Variants in TRIM37 observed in about 807,000 individuals in gnomAD.
The protein encoded by TRIM37 is E3 ubiquitin-protein ligase TRIM37.
TRIM37 carries 80 observed loss-of-function variants against 129.8 expected under a neutral mutation model. That is an observed-to-expected ratio of 0.62 (90% CI 0.51 to 0.74). TRIM37 has a LOEUF of 0.74. Ranked by LOEUF, TRIM37 falls within the 30% of genes least tolerant of loss-of-function variation. The probability of loss-of-function intolerance (pLI) is 0.00; values close to 1 mark genes in which losing one functional copy is unlikely to be tolerated. For synonymous variants in TRIM37, 389 were observed against 387.1 expected (o/e 1.00, Z -0.06); for missense variants, 1,054 against 1,176.5 (o/e 0.90, Z 1.52).
At chr17:59,091,527 T>C (rs1252675040) in intron 2 of TRIM37, among the ~76,000 whole-genome samples, 187 bp from the exon 3 acceptor site, 2 of 115,416 alleles carry the variant, frequency 1.7e-5, no homozygotes, top group African/African-American at 6.7e-5. Context: ...ATATAATGTA[T>C]AATGTATAAT....
At chr17:59,095,092 G>T (rs2044730069) in intron 2 of TRIM37, among the ~76,000 whole-genome samples, 1 of 152,024 alleles carries the variant, frequency 6.6e-6, no homozygotes, top group African/African-American at 2.4e-5. Context: ...GGACACGCCT[G>T]TAGTCCCAGC....
At position 58,999,261 on chromosome 17, in the gene TRIM37, A is replaced by G. The variant is rs2033358711; in HGVS notation, c.*116T>C. On this transcript the variant is annotated 3_prime_UTR_variant, in exon 24 of 24. Coordinates refer to ENST00000262294, the MANE Select transcript of TRIM37 (RefSeq NM_015294.6). ...GTTTCCAAATTACTATTTCAGGTCG[A>G]GATAATGAAGAAATAAGACCAAATC... The G allele has an allele frequency of 6.2e-7, 1 of 1,602,330 alleles. No homozygotes were observed. The highest frequency in any genetic ancestry group is 1.7e-5 in the Admixed American group (1 of 59,370).
chr17:59,007,925 CT>C (rs2034754028), intron 22 of TRIM37, among the ~76,000 whole-genome samples: 1 of 152,196 alleles, frequency 6.6e-6, no homozygotes, highest in South Asian at 2.1e-4. Flanking sequence ...CGAATGTCTT[CT>C]TTTTGTATTC....
downstream of TRIM37, chr17:58,998,120 G>A: frequency 2.0e-5 from 14 of 706,016 alleles, no homozygotes; most frequent in Non-Finnish European, 2.4e-5. Flanking sequence ...TCAAATGTTT[G>A]GATCTTCTCT....
intron 13 of TRIM37, among the ~76,000 whole-genome samples, chr17:59,052,120 T>A (rs1259741548): frequency 6.6e-6 from 1 of 151,910 alleles, no homozygotes; most frequent in Non-Finnish European, 1.5e-5. Flanking sequence ...TGGCATTATT[T>A]CAGCTTAGGT....
intron 21 of TRIM37, among the ~76,000 whole-genome samples, chr17:59,014,171 A>C (rs921216957): frequency 6.6e-6 from 1 of 152,192 alleles, no homozygotes; most frequent in African/African-American, 2.4e-5. Flanking sequence ...CCTTTCTACT[A>C]CTGAAACTTG....
At chr17:59,010,222 CAT>C (rs1339066923) in intron 22 of TRIM37, among the ~76,000 whole-genome samples, 1 of 152,184 alleles carries the variant, frequency 6.6e-6, no homozygotes, top group Non-Finnish European at 1.5e-5. Flanking sequence ...TCCCAGGAAA[CAT>C]GTGGCAATGA....
At chr17:59,010,516 T>C (rs997331678) in intron 22 of TRIM37, among the ~76,000 whole-genome samples, 5 of 152,146 alleles carry the variant, frequency 3.3e-5, no homozygotes, top group African/African-American at 1.2e-4. Context: ...TCATTTGAGA[T>C]AGAGTCTCAC....
chr17:58,981,022 A>G, downstream of TRIM37: 2 of 1,583,586 alleles, frequency 1.3e-6, no homozygotes, highest in Non-Finnish European at 1.7e-6. Context: ...GGAGCTATAA[A>G]ATAGAATAAT....
In TRIM37 at chr17:59,001,609, G is replaced by A. The variant is rs766796017; in HGVS notation, c.2801C>T (p.Pro934Leu). ...ATCATGTGCTGCACCTTCATCCGGG[G>A]GCTGTGTCATGACCATGAAGGAGTC... ...FHDSFMVMTQ[P>L]PDEDTHSSFP... is the part of the protein sequence containing the mutation. The change falls in exon 23 of 24, where the codon CCC becomes CTC. Residue 934 changes from proline to leucine, a missense_variant. Coordinates refer to ENST00000262294, the MANE Select transcript of TRIM37 (RefSeq NM_015294.6). 1 of 1,613,992 alleles carries A rather than the reference G, an allele frequency of 6.2e-7. No homozygotes were observed. The highest frequency in any genetic ancestry group is 1.1e-5 in the South Asian group (1 of 91,070).
At position 59,057,064 on chromosome 17, in the gene TRIM37, A is replaced by G. The variant is rs1016708970; in HGVS notation, c.1020-10T>C. On this transcript the variant is annotated splice_polypyrimidine_tract_variant and intron_variant, in intron 12 of 23. Coordinates refer to ENST00000262294, the MANE Select transcript of TRIM37 (RefSeq NM_015294.6). The stretch of plus-strand genomic sequence containing the variant: ...TACACGATATTCATATCTAAAATTG[A>G]AAAACAGACCATTACTATACAGTTA... The G allele has an allele frequency of 4.2e-5, 67 of 1,612,154 alleles. No individual in the cohort carries two copies. The highest frequency in any genetic ancestry group is 5.3e-5 in the Non-Finnish European group (63 of 1,178,618).
intron 7 of TRIM37, among the ~76,000 whole-genome samples, chr17:59,076,927 T>A (rs2042857815): frequency 6.6e-6 from 1 of 152,108 alleles, no homozygotes; most frequent in Admixed American, 6.6e-5. Flanking sequence ...TAGCTGAGAT[T>A]ACAGGCATGT....
chr17:59,049,253 A>T lies in TRIM37; in HGVS notation c.1455T>A (p.Gly485=), dbSNP rs748966206. ...SACSDMLLEG[G]PTTASVREAK... ...CCTCTCTTACAGAAGCTGTAGTAGG[A>T]CCACCTTCGAGAAGCATGTCAGAGC... Residue 485 remains glycine (G), a synonymous_variant, in exon 15 of 24, where the codon GGT becomes GGA. Coordinates refer to ENST00000262294, the MANE Select transcript of TRIM37 (RefSeq NM_015294.6). 6 of 1,613,962 alleles carry T rather than the reference A, an allele frequency of 3.7e-6. No homozygotes were observed. The highest frequency in any genetic ancestry group is 5.1e-6 in the Non-Finnish European group (6 of 1,180,038).
the TRIM37 span, among the ~76,000 whole-genome samples, chr17:58,971,713 G>A: frequency 9.2e-5 from 14 of 152,100 alleles, no homozygotes; most frequent in Non-Finnish European, 1.6e-4. Context: ...GAACAAATAC[G>A]ATGTCAGTAA....
chr17:59,042,447 AAAAT>A (rs1266028925), intron 16 of TRIM37, among the ~76,000 whole-genome samples: 21 of 38,970 alleles, frequency 5.4e-4, no homozygotes, highest in Admixed American at 1.6e-3. Flanking sequence ...AAAAAAAAAA[AAAAT>A]ATATATATAT....
chr17:59,096,147 A>T (rs1419187891), intron 2 of TRIM37, among the ~76,000 whole-genome samples: 1 of 152,226 alleles, frequency 6.6e-6, no homozygotes, highest in Non-Finnish European at 1.5e-5. Flanking sequence ...AAGAATGAGT[A>T]ATTATCATAA....
rs140742119 is a variant in TRIM37, at chr17:59,007,809, A to G, written c.2695+4519T>C. ...TGATGCTTAAGAGCAATTAAGAGAC[A>G]CTTTAGTAGTCCCAAATTCCCAGCC... On this transcript the variant is annotated intron_variant, in intron 22 of 23. Coordinates refer to ENST00000262294, the MANE Select transcript of TRIM37 (RefSeq NM_015294.6). Among the ~76,000 whole-genome samples, 4 of 152,360 alleles carry G rather than the reference A, an allele frequency of 2.6e-5. No homozygotes were observed. In the East Asian group the frequency reaches 7.7e-4, roughly 29 times the overall value.
In TRIM37 at chr17:59,047,144, C is replaced by T. The variant is rs371511720; in HGVS notation, c.1667+539G>A. On this transcript the variant is annotated intron_variant, in intron 16 of 23. Transcript: ENST00000262294. ...CTCCAGCCTGGGCGACAGAGCGAGA[C>T]TCCGTCTCAAAAAAAAAGGAAAAAA... Among the ~76,000 whole-genome samples the T allele has an allele frequency of 3.3e-4, 49 of 150,194 alleles. 1 individual carries two copies. The East Asian group carries it at 9.3e-3, about 29-fold the overall frequency.
intron 22 of TRIM37, among the ~76,000 whole-genome samples, chr17:59,007,034 C>T (rs1411973220): frequency 6.6e-6 from 1 of 151,956 alleles, no homozygotes; most frequent in Non-Finnish European, 1.5e-5. Context: ...CTCTTCCACT[C>T]CCAGAATGCT....
Sources: allele counts gnomAD v4.1 joint callset (sites outside exome capture counted in the v4.1 genomes callset), GRCh38; gene constraint gnomAD v4.1.1; transcripts MANE v1.5; gene names NCBI Gene and HGNC (gene_info 2026-07-23, HGNC 2026-07-21).